GRIK4: variants seen among roughly 807,000 people sequenced by gnomAD.
GRIK4 encodes the protein glutamate receptor ionotropic, kainate 4.
Under a neutral mutation model 104.9 loss-of-function variants are expected in GRIK4, and 40 were observed. The ratio of observed to expected loss-of-function variants is 0.38; its 90% CI spans 0.30 to 0.50. The LOEUF is 0.50. GRIK4 is among the 20% of genes least tolerant of loss of function. The probability of loss-of-function intolerance (pLI) is 0.93; values close to 1 mark genes in which losing one functional copy is unlikely to be tolerated. For synonymous variants in GRIK4, 485 were observed against 524.9 expected, an observed-to-expected ratio of 0.92 and a Z score of 1.04; for missense variants, 1,047 against 1,308.1, an observed-to-expected ratio of 0.80 and a Z score of 3.08.
At chr11:120,919,202 G>A (rs1943175443) in intron 13 of GRIK4, among the ~76,000 whole-genome samples, 1 of 151,090 alleles carries the variant, frequency 6.6e-6, no homozygotes, top group Non-Finnish European at 1.5e-5. Flanking sequence ...GGTCTGAAAT[G>A]TATGCCAAGT....
In GRIK4 at chr11:120,675,743, TACTC is replaced by T. The variant is rs530182873; in HGVS notation, c.82+15346_82+15349del. On this transcript the variant is annotated intron_variant, in intron 3 of 20. Transcript: ENST00000527524. Reference sequence around the variant, plus strand: ...TCCTACTATGAAATGGGGATAATAATACTCACCTTATAGAATTGTTGAGGTTTAC... The same window carrying T: ...TCCTACTATGAAATGGGGATAATAATACCTTATAGAATTGTTGAGGTTTAC... Among the ~76,000 whole-genome samples, 393 of 152,236 alleles carry T rather than the reference TACTC, an allele frequency of 2.6e-3. 1 individual carries two copies. Among genetic ancestry groups the T allele is most frequent in the African/African-American group, 8.9e-3 (371 of 41,540 alleles).
At chr11:120,826,906 C>T (rs1953279090) in intron 6 of GRIK4, among the ~76,000 whole-genome samples, 1 of 152,178 alleles carries the variant, frequency 6.6e-6, no homozygotes. Flanking sequence ...GGTGAGGGTT[C>T]GCTCCATGGA....
At chr11:120,984,820 C>CTTT (rs569201252) in intron 20 of GRIK4, among the ~76,000 whole-genome samples, 10 of 115,806 alleles carry the variant, frequency 8.6e-5, no homozygotes, top group African/African-American at 3.3e-4. Flanking sequence ...CATCTATATT[C>CTTT]TTTTTTTTTT....
At chr11:120,649,609 C>T (rs1385569470) in intron 1 of GRIK4, among the ~76,000 whole-genome samples, 1 of 152,176 alleles carries the variant, frequency 6.6e-6, no homozygotes, top group Non-Finnish European at 1.5e-5. Flanking sequence ...CTGCATGGGT[C>T]ATTACACAGC....
At chr11:120,879,313 C>T (rs1361718604) in intron 11 of GRIK4, among the ~76,000 whole-genome samples, 1 of 152,210 alleles carries the variant, frequency 6.6e-6, no homozygotes, top group Non-Finnish European at 1.5e-5. Flanking sequence ...TCCTCATGAC[C>T]AGCTGGGCTG....
intron 1 of GRIK4, among the ~76,000 whole-genome samples, chr11:120,581,746 CT>C (rs928022771): frequency 2.0e-4 from 30 of 147,516 alleles, no homozygotes; most frequent in South Asian, 8.7e-4. Flanking sequence ...AATTTCCTTC[CT>C]TTTTTTTTTC....
intron 3 of GRIK4, among the ~76,000 whole-genome samples, chr11:120,672,346 G>A (rs1361273335): frequency 1.3e-5 from 2 of 152,110 alleles, no homozygotes; most frequent in East Asian, 3.9e-4. Flanking sequence ...AAACTGGAAG[G>A]CAGAGGTTGC....
At chr11:120,878,289 A>G (rs1954872723) in intron 11 of GRIK4, among the ~76,000 whole-genome samples, 1 of 152,220 alleles carries the variant, frequency 6.6e-6, no homozygotes, top group South Asian at 2.1e-4. Flanking sequence ...TATGAATTCC[A>G]GTTTAGTAAA....
At chr11:120,825,430 C>A (rs1953232960) in intron 6 of GRIK4, among the ~76,000 whole-genome samples, 1 of 152,214 alleles carries the variant, frequency 6.6e-6, no homozygotes, top group Non-Finnish European at 1.5e-5. Flanking sequence ...AACACAGTGT[C>A]CACACCGAGG....
In GRIK4 at chr11:120,905,869, C is replaced by G. The variant is rs1007615363; in HGVS notation, c.1476+376C>G. Among the ~76,000 whole-genome samples, 1 of 152,146 alleles carries G rather than the reference C, an allele frequency of 6.6e-6. No individual in the cohort carries two copies. The highest frequency in any genetic ancestry group is 3.2e-3 in the Middle Eastern group (1 of 316). On this transcript the variant is annotated intron_variant, in intron 13 of 20. Coordinates refer to ENST00000527524, the MANE Select transcript of GRIK4 (RefSeq NM_014619.5). This position sits in a 1 kb window ranked among gnomAD's most constrained non-coding sequence, Gnocchi z 5.1. ...CAGGTCCTGGGAGAAGAGAATGCAC[C>G]CACATCAGCTGGCTTGGATCCTTGA...
intron 1 of GRIK4, among the ~76,000 whole-genome samples, chr11:120,584,226 G>A (rs1043160291): frequency 6.6e-6 from 1 of 152,184 alleles, no homozygotes; most frequent in East Asian, 1.9e-4. Context: ...TACTGCAGGG[G>A]AATGCTTCCA....
At chr11:120,783,505 C>T (rs1335555603) in intron 3 of GRIK4, among the ~76,000 whole-genome samples, 1 of 152,028 alleles carries the variant, frequency 6.6e-6, no homozygotes, top group African/African-American at 2.4e-5. Context: ...CCTTTGTCCC[C>T]CATTTAACAG....
rs148502473 is a variant in GRIK4 at position 120,762,649 on chromosome 11, G to T, written c.83-40044G>T. Reference sequence around the variant, plus strand: ...TTTATTGAGTGTTTTTAGCATGATGGGGTATTGAATTTTATCAAAGGCCTT... The same window carrying T: ...TTTATTGAGTGTTTTTAGCATGATGTGGTATTGAATTTTATCAAAGGCCTT... On this transcript the variant is annotated intron_variant, in intron 3 of 20. Coordinates refer to ENST00000527524, the MANE Select transcript of GRIK4 (RefSeq NM_014619.5). Among the ~76,000 whole-genome samples, 6 of 152,246 alleles carry T rather than the reference G, an allele frequency of 3.9e-5. No homozygotes were observed. In the East Asian group the frequency reaches 1.2e-3, roughly 29 times the overall value.
At chr11:120,802,990 T>G in intron 4 of GRIK4, 133 bp downstream of exon 4, 1 of 807,618 alleles carries the variant, frequency 1.2e-6, no homozygotes, top group Non-Finnish European at 2.0e-6. Context: ...GGAGAGGAAC[T>G]TGAACCAGGA....
intron 11 of GRIK4, among the ~76,000 whole-genome samples, chr11:120,889,589 ATTTTTTTT>A (rs369264259): frequency 5.8e-3 from 362 of 62,504 alleles, no homozygotes; most frequent in Non-Finnish European, 8.7e-3. Flanking sequence ...AAGAGCTTAC[ATTTTTTTT>A]TTTTTTTTTT....
chr11:120,625,838 T>C (rs1391771329), intron 1 of GRIK4, among the ~76,000 whole-genome samples: 1 of 152,004 alleles, frequency 6.6e-6, no homozygotes, highest in African/African-American at 2.4e-5. Flanking sequence ...CAGCGGCAGA[T>C]GGGGTGTGGG....
intron 3 of GRIK4, among the ~76,000 whole-genome samples, chr11:120,690,681 C>T (rs935993562): frequency 8.5e-5 from 13 of 152,220 alleles, no homozygotes; most frequent in South Asian, 2.1e-4. Context: ...ACAGCAGCCC[C>T]GGGACCTGTG....
At chr11:120,639,305 A>G (rs1949440752) in intron 1 of GRIK4, among the ~76,000 whole-genome samples, 1 of 152,240 alleles carries the variant, frequency 6.6e-6, no homozygotes, top group Non-Finnish European at 1.5e-5. Context: ...CAGGGGCGCA[A>G]TGGACAGAGG....
chr11:120,695,307 G>A (rs1254615118), intron 3 of GRIK4, among the ~76,000 whole-genome samples: 1 of 152,234 alleles, frequency 6.6e-6, no homozygotes, highest in Non-Finnish European at 1.5e-5. Context: ...GCCCATCCTG[G>A]CATTGGGCAG....
Sources: allele counts gnomAD v4.1 joint callset (sites outside exome capture counted in the v4.1 genomes callset), GRCh38; gene constraint gnomAD v4.1.1; non-coding constraint Gnocchi (gnomAD v3.1); transcripts MANE v1.5; gene names NCBI Gene and HGNC (gene_info 2026-07-23, HGNC 2026-07-21).